CRCP: variants seen among roughly 807,000 people sequenced by gnomAD.
CRCP encodes DNA-directed RNA polymerase III subunit RPC9.
Under a neutral mutation model 18.5 loss-of-function variants are expected in CRCP, and 18 were observed. The ratio of observed to expected loss-of-function variants is 0.97; its 90% CI spans 0.67 to 1.44. CRCP has a LOEUF of 1.44. CRCP is among the 40% of genes most tolerant of loss of function. The pLI is 0.00. For synonymous variants in CRCP, 53 were observed against 62.9 expected (o/e 0.84, Z 0.75); for missense variants, 130 against 176.4 (o/e 0.74, Z 1.49).
chr7:66,126,464 A>G (rs1342984515), intron 1 of CRCP, among the ~76,000 whole-genome samples: 5 of 149,100 alleles, frequency 3.4e-5, no homozygotes, highest in Admixed American at 1.3e-4. Context: ...TTCCATAGTT[A>G]CCTTCCACTT....
chr7:66,137,213 C>T (rs911691173), intron 4 of CRCP, among the ~76,000 whole-genome samples: 9 of 151,950 alleles, frequency 5.9e-5, no homozygotes, highest in African/African-American at 2.2e-4. Context: ...AGATTTATAC[C>T]TATTTCATAA....
At chr7:66,135,534 ATTATAC>A (rs1787946340) in intron 4 of CRCP, among the ~76,000 whole-genome samples, 1 of 152,048 alleles carries the variant, frequency 6.6e-6, no homozygotes, top group Non-Finnish European at 1.5e-5. Flanking sequence ...TTTTTTCAAA[ATTATAC>A]TTTAAGTTCT....
chr7:66,145,977 A>G (rs1788280968), intron 5 of CRCP, among the ~76,000 whole-genome samples: 1 of 152,114 alleles, frequency 6.6e-6, no homozygotes, highest in Non-Finnish European at 1.5e-5. Context: ...GGAAACCTGC[A>G]AGCCATTCTC....
chr7:66,148,618 C>T (rs1037226966), intron 5 of CRCP, among the ~76,000 whole-genome samples: 2 of 152,070 alleles, frequency 1.3e-5, no homozygotes, highest in Non-Finnish European at 2.9e-5. Context: ...CTCAGAGGCT[C>T]GGTGAGGAAA....
intron 5 of CRCP, among the ~76,000 whole-genome samples, chr7:66,145,980 C>T (rs879481229): frequency 6.6e-6 from 1 of 152,206 alleles, no homozygotes; most frequent in Non-Finnish European, 1.5e-5. Context: ...AACCTGCAAG[C>T]CATTCTCTTC....
chr7:66,115,017 T>C lies in CRCP; in HGVS notation c.8+47T>C, dbSNP rs1308080998. 3 of 1,594,898 alleles carry C rather than the reference T, an allele frequency of 1.9e-6. No individual in the cohort carries two copies. The Admixed American group carries it at 5.1e-5, about 27-fold the overall frequency. Reference sequence around the variant, plus strand: ...CCTTTTCGCCCGAGGAGCCCAACGGTTTGACCGCTGAGAGCTGAGAGCCGA... The same window carrying C: ...CCTTTTCGCCCGAGGAGCCCAACGGCTTGACCGCTGAGAGCTGAGAGCCGA... On this transcript the variant is annotated intron_variant, in intron 1 of 5. Coordinates refer to ENST00000395326, the MANE Select transcript of CRCP (RefSeq NM_014478.5).
At chr7:66,119,146 G>T (rs910918906) in intron 1 of CRCP, among the ~76,000 whole-genome samples, 13 of 152,170 alleles carry the variant, frequency 8.5e-5, no homozygotes, top group Non-Finnish European at 1.8e-4. Context: ...CTTAGTATTA[G>T]ATCACACTCT....
intron 1 of CRCP, among the ~76,000 whole-genome samples, chr7:66,116,858 T>C (rs1245802083): frequency 6.6e-6 from 1 of 152,088 alleles, no homozygotes; most frequent in Non-Finnish European, 1.5e-5. Context: ...TGGTGGCTCA[T>C]GCCTATAATC....
chr7:66,130,707 A>C, intron 2 of CRCP, 37 bp from the exon 3 acceptor site: 1 of 1,287,238 alleles, frequency 7.8e-7, no homozygotes, highest in Non-Finnish European at 1.1e-6. Context: ...TATTTCTCAA[A>C]TTTATTCATA....
chr7:66,132,782 C>T (rs1278840120), intron 3 of CRCP, among the ~76,000 whole-genome samples: 2 of 151,420 alleles, frequency 1.3e-5, no homozygotes, highest in African/African-American at 2.4e-5. Flanking sequence ...TAGTGGCGGG[C>T]GCCTGTAGTC....
intron 2 of CRCP, 23 bp from the exon 3 acceptor site, chr7:66,130,721 G>A (rs367600657): frequency 2.1e-5 from 29 of 1,388,186 alleles, no homozygotes; most frequent in African/African-American, 5.7e-5. Flanking sequence ...ATTCATAAAC[G>A]TCTTTTTTGT....
chr7:66,131,923 G>A (rs933742424), intron 3 of CRCP, among the ~76,000 whole-genome samples: 1 of 151,776 alleles, frequency 6.6e-6, no homozygotes, highest in African/African-American at 2.4e-5. Flanking sequence ...CACCTTGCCC[G>A]GCTAATTTTG....
chr7:66,140,672 T>C (rs1472408928), intron 4 of CRCP, among the ~76,000 whole-genome samples: 1 of 152,234 alleles, frequency 6.6e-6, no homozygotes, highest in African/African-American at 2.4e-5. Context: ...ATTACAGGCA[T>C]GAGTCACTGC....
Position 66,121,081 on chromosome 7 carries a change from C to CT in CRCP, c.8+6121dup, listed in dbSNP as rs1213517811. Among the ~76,000 whole-genome samples, 232 of 147,362 alleles carry CT rather than the reference C, an allele frequency of 1.6e-3. 4 individuals are homozygous for CT. The Middle Eastern group carries it at 0.018, about 11-fold the overall frequency. ...ATAATAATAATACCTGAAATTTCTT[C>CT]TTTTTTTTTTGAGATGGAGTTTCGC... On this transcript the variant is annotated intron_variant, in intron 1 of 5. Transcript: ENST00000395326.
At chr7:66,119,930 C>T (rs1787384019) in intron 1 of CRCP, among the ~76,000 whole-genome samples, 1 of 152,084 alleles carries the variant, frequency 6.6e-6, no homozygotes, top group Non-Finnish European at 1.5e-5. Flanking sequence ...TGCCTGTAAT[C>T]CCAGCACTTT....
chr7:66,115,422 G>C (rs1349284739), intron 1 of CRCP, among the ~76,000 whole-genome samples: 3 of 152,146 alleles, frequency 2.0e-5, no homozygotes, highest in Admixed American at 2.0e-4. Context: ...GAGAGCCCTC[G>C]GAAGAGCTGC....
chr7:66,148,642 CAGCTT>C (rs1225935099), intron 5 of CRCP, among the ~76,000 whole-genome samples: 2 of 152,160 alleles, frequency 1.3e-5, no homozygotes, highest in African/African-American at 4.8e-5. Flanking sequence ...GGTGGCCACC[CAGCTT>C]AGGACTTGTT....
intron 5 of CRCP, among the ~76,000 whole-genome samples, chr7:66,148,345 C>A (rs1008305446): frequency 1.3e-4 from 19 of 152,000 alleles, no homozygotes; most frequent in African/African-American, 4.4e-4. Flanking sequence ...CCAGCCTGGG[C>A]GACAAGAGCG....
At chr7:66,147,128 G>A (rs1788321605) in intron 5 of CRCP, among the ~76,000 whole-genome samples, 1 of 152,138 alleles carries the variant, frequency 6.6e-6, no homozygotes, top group Non-Finnish European at 1.5e-5. Flanking sequence ...GATCACCTGA[G>A]GTCAGGAGTT....
Sources: allele counts gnomAD v4.1 joint callset (sites outside exome capture counted in the v4.1 genomes callset), GRCh38; gene constraint gnomAD v4.1.1; transcripts MANE v1.5; gene names NCBI Gene and HGNC (gene_info 2026-07-23, HGNC 2026-07-21).